NEGR1: variants seen among roughly 807,000 people sequenced by gnomAD.
NEGR1 encodes IgLON family member 4.
In NEGR1, 10 loss-of-function variants were observed where a neutral mutation model predicts 40.9. That is an observed-to-expected ratio of 0.24 (90% CI 0.15 to 0.42). NEGR1 has a LOEUF of 0.42. Among genes scored for constraint, NEGR1 ranks in the 10% least tolerant of loss-of-function variants. The pLI is 1.00. For synonymous variants in NEGR1, 185 were observed against 166.8 expected, an observed-to-expected ratio of 1.11 and a Z score of -0.84; for missense variants, 352 against 438.9, an observed-to-expected ratio of 0.80 and a Z score of 1.77.
Position 71,399,391 on chromosome 1 carries a change from A to T in NEGR1, c.*8055T>A, listed in dbSNP as rs979991807. 6.6e-6 allele frequency: 1 copy of T among 152,170 alleles called. No homozygotes were observed. Among genetic ancestry groups the T allele is most frequent in the African/African-American group, 2.4e-5 (1 of 41,446 alleles). 9.4% of individuals were successfully genotyped at this position (152,170 alleles called of 1,614,324 possible). A position where few individuals can be genotyped will look rare whatever the true frequency, so the allele number is the denominator to read the frequency against. On this transcript the variant is annotated 3_prime_UTR_variant, in exon 7 of 7. Transcript: ENST00000357731. ...AAGAAAAATGTATTACAAGAAATTA[A>T]TTTATTCCAAATTTTTTTAAAAATC...
intron 1 of NEGR1, among the ~76,000 whole-genome samples, chr1:72,167,150 T>C (rs902204027): frequency 6.6e-5 from 10 of 152,174 alleles, no homozygotes; most frequent in African/African-American, 2.4e-4. Flanking sequence ...CAAGATGCTG[T>C]TCCAAAAATA....
intron 1 of NEGR1, among the ~76,000 whole-genome samples, chr1:71,986,987 G>A (rs980746846): frequency 6.6e-6 from 1 of 152,138 alleles, no homozygotes; most frequent in Admixed American, 6.5e-5. Context: ...GGTATTTTGA[G>A]GCAGAAACAG....
chr1:72,025,416 C>T (rs1646798409), intron 1 of NEGR1, among the ~76,000 whole-genome samples: 2 of 152,104 alleles, frequency 1.3e-5, no homozygotes, highest in African/African-American at 4.8e-5. Flanking sequence ...TACTTCAGTA[C>T]TAATCTCTTA....
At chr1:71,974,809 G>T (rs541674557) in intron 1 of NEGR1, among the ~76,000 whole-genome samples, 2 of 152,178 alleles carry the variant, frequency 1.3e-5, no homozygotes, top group African/African-American at 4.8e-5. Flanking sequence ...GGTGATCTTT[G>T]AAAAGATGTA....
At chr1:72,115,478 G>A (rs529515483) in intron 1 of NEGR1, among the ~76,000 whole-genome samples, 12 of 151,796 alleles carry the variant, frequency 7.9e-5, no homozygotes, top group Admixed American at 6.6e-4. Context: ...CTGTAATCTT[G>A]TTAAGGCCAT....
intron 2 of NEGR1, among the ~76,000 whole-genome samples, chr1:71,879,004 A>C (rs566230247): frequency 6.6e-6 from 1 of 152,046 alleles, no homozygotes; most frequent in African/African-American, 2.4e-5. Context: ...GTGGTGGTGC[A>C]TGCCTGTAAT....
intron 4 of NEGR1, among the ~76,000 whole-genome samples, chr1:71,674,732 T>A (rs1030210407): frequency 2.0e-5 from 3 of 151,676 alleles, no homozygotes; most frequent in African/African-American, 7.3e-5. Context: ...TGAACAATGT[T>A]CTTTCTATCA....
chr1:71,703,378 C>G (rs1267339546), intron 3 of NEGR1: 1 of 151,182 alleles, frequency 6.6e-6, no homozygotes, highest in African/African-American at 2.4e-5. Context: ...AATCTAAACA[C>G]TTAACAACAT....
At chr1:71,681,463 ACAGT>A (rs1224793914) in intron 4 of NEGR1, among the ~76,000 whole-genome samples, 1 of 152,228 alleles carries the variant, frequency 6.6e-6, no homozygotes, top group Non-Finnish European at 1.5e-5. Flanking sequence ...TGAGAAATCA[ACAGT>A]CAGTGTGTTT....
chr1:72,243,778 C>A (rs1242770509), intron 1 of NEGR1, among the ~76,000 whole-genome samples: 1 of 151,718 alleles, frequency 6.6e-6, no homozygotes. Flanking sequence ...GCATTAAGAG[C>A]CTCATATGCA....
At chr1:71,772,543 T>G (rs1656366024) in intron 3 of NEGR1, among the ~76,000 whole-genome samples, 1 of 152,192 alleles carries the variant, frequency 6.6e-6, no homozygotes, top group Non-Finnish European at 1.5e-5. Flanking sequence ...GATTGGATTC[T>G]GTACTAGACA....
intron 1 of NEGR1, among the ~76,000 whole-genome samples, chr1:72,129,635 G>T (rs950767529): frequency 1.3e-5 from 2 of 152,118 alleles, no homozygotes; most frequent in South Asian, 2.1e-4. Context: ...TGCAAGGAAG[G>T]CAAGTAGGGA....
At chr1:71,435,958 A>T (rs963627192) in intron 6 of NEGR1, among the ~76,000 whole-genome samples, 5 of 152,192 alleles carry the variant, frequency 3.3e-5, no homozygotes, top group African/African-American at 1.2e-4. Flanking sequence ...GTGGTGGGTC[A>T]TGAGGACCTT....
chr1:72,232,265 G>A (rs2100499771), intron 1 of NEGR1, among the ~76,000 whole-genome samples: 1 of 151,928 alleles, frequency 6.6e-6, no homozygotes, highest in East Asian at 1.9e-4. Context: ...GCTAAGGCAG[G>A]AGAATCACTT....
intron 1 of NEGR1, among the ~76,000 whole-genome samples, chr1:72,104,003 T>G (rs1569969685): frequency 6.6e-6 from 1 of 152,276 alleles, no homozygotes; most frequent in East Asian, 1.9e-4. Context: ...CCAATGACTT[T>G]GAGGCTTCTG....
intron 2 of NEGR1, among the ~76,000 whole-genome samples, chr1:71,778,420 G>T (rs561846036): frequency 6.6e-6 from 1 of 152,036 alleles, no homozygotes; most frequent in Non-Finnish European, 1.5e-5. Context: ...ACCAACTGTG[G>T]TTAAGTGTCT....
intron 2 of NEGR1, among the ~76,000 whole-genome samples, chr1:71,809,734 GTGTGTGTGTA>G (rs1205929493): frequency 7.9e-5 from 12 of 152,206 alleles, no homozygotes; most frequent in South Asian, 2.1e-4. Flanking sequence ...TGTCCAATGT[GTGTGTGTGTA>G]TGTGTGTGTA....
At chr1:71,623,969 T>C (rs1400395684) in intron 4 of NEGR1, among the ~76,000 whole-genome samples, 3 of 151,890 alleles carry the variant, frequency 2.0e-5, no homozygotes, top group Non-Finnish European at 4.4e-5. Flanking sequence ...CATGAATAAA[T>C]TATTAAAGAA....
At chr1:72,244,493 G>T (rs1363132624) in intron 1 of NEGR1, among the ~76,000 whole-genome samples, 1 of 151,810 alleles carries the variant, frequency 6.6e-6, no homozygotes, top group African/African-American at 2.4e-5. Context: ...ATATATGTAT[G>T]TAAACACACA....
Sources: gnomAD v4.1 joint callset for allele counts (sites outside exome capture counted in the v4.1 genomes callset) on GRCh38, gnomAD v4.1.1 for gene constraint, MANE v1.5 for transcripts, NCBI Gene and HGNC (gene_info 2026-07-23, HGNC 2026-07-21) for gene names.